Variants in THSD4 observed in about 807,000 individuals in gnomAD.
The protein encoded by THSD4 is thrombospondin type 1 domain containing 4.
A neutral mutation model predicts 119.0 loss-of-function variants in THSD4; 69 were observed. The observed-to-expected ratio is 0.58, with a 90% confidence interval of 0.48 to 0.71. The LOEUF (loss-of-function observed/expected upper bound fraction) is 0.71, where lower values mean the gene tolerates loss of function less well. Ranked by LOEUF, THSD4 falls within the 30% of genes least tolerant of loss-of-function variation. THSD4 has a pLI of 0.00. For synonymous variants in THSD4, 524 were observed against 540.4 expected (o/e 0.97, Z 0.42); for missense variants, 1,393 against 1,391.1 (o/e 1.00, Z -0.02).
intron 7 of THSD4, among the ~76,000 whole-genome samples, chr15:71,447,656 A>G (rs1429415835): frequency 6.6e-6 from 1 of 152,238 alleles, no homozygotes; most frequent in Non-Finnish European, 1.5e-5. Flanking sequence ...TTTGTTGAAT[A>G]TAAAAATAAA....
chr15:71,302,564 A>G (rs1455798646), intron 6 of THSD4, among the ~76,000 whole-genome samples: 1 of 142,028 alleles, frequency 7.0e-6, no homozygotes, highest in Non-Finnish European at 1.5e-5. Context: ...TCCAAGTGGA[A>G]TGGTTTTGTT....
At chr15:71,405,520 T>C (rs1236090415) in intron 6 of THSD4, among the ~76,000 whole-genome samples, 1 of 152,244 alleles carries the variant, frequency 6.6e-6, no homozygotes, top group African/African-American at 2.4e-5. Flanking sequence ...GGTTTATATC[T>C]AGACTCTTAA....
chr15:71,172,547 A>G (rs2043379486), intron 3 of THSD4, among the ~76,000 whole-genome samples: 1 of 150,628 alleles, frequency 6.6e-6, no homozygotes, highest in African/African-American at 2.4e-5. Context: ...AAATTTCAGA[A>G]AGAAGAAGAA....
intron 8 of THSD4, among the ~76,000 whole-genome samples, chr15:71,693,320 C>T (rs536875237): frequency 2.6e-5 from 4 of 152,266 alleles, no homozygotes; most frequent in African/African-American, 7.2e-5. Flanking sequence ...TCTTTAGATC[C>T]AGTAGCAGCA....
At chr15:71,111,281 T>C, upstream of THSD4, 1 of 1,614,004 alleles carries the variant, frequency 6.2e-7, no homozygotes, top group Non-Finnish European at 8.5e-7. Context: ...ATCCTTGACA[T>C]TCCGTCTGGA....
chr15:71,266,432 T>G (rs952185199), intron 6 of THSD4, among the ~76,000 whole-genome samples: 1 of 151,768 alleles, frequency 6.6e-6, no homozygotes, highest in Admixed American at 6.6e-5. Context: ...AAAAAGGACG[T>G]CCACGCAAAA....
rs750776537 is a variant in THSD4 at position 71,765,194 on chromosome 15, A to G, written c.2764A>G (p.Ser922Gly). 1.5e-5 allele frequency: 24 copies of G among 1,613,726 alleles called. No homozygotes were observed. Among genetic ancestry groups the G allele is most frequent in the Non-Finnish European group, 2.0e-5 (24 of 1,179,842 alleles). ...AGCCAAATGGTTTAGCACCGAATGG[A>G]GCATGGTAAGTCATGGTGCTCTTGA... is the stretch of plus-strand genomic sequence containing the variant. ...CGAKWFSTEWSMCSKSCQGGF... is the reference protein window; with the variant it reads ...CGAKWFSTEWGMCSKSCQGGF... Residue 922 changes from serine to glycine, a missense_variant, in exon 16 of 18, where the codon AGC (serine) becomes GGC (glycine). By Grantham distance (56) the Ser-to-Gly change is moderately conservative (BLOSUM62 0). Coordinates refer to ENST00000261862, the MANE Select transcript of THSD4 (RefSeq NM_024817.3).
At chr15:71,177,931 A>G (rs1329220422) in intron 3 of THSD4, among the ~76,000 whole-genome samples, 1 of 137,754 alleles carries the variant, frequency 7.3e-6, no homozygotes, top group Non-Finnish European at 1.6e-5. Context: ...CTTTGACAAA[A>G]TTCAACAACC....
intron 6 of THSD4, among the ~76,000 whole-genome samples, chr15:71,385,664 A>G (rs892962628): frequency 2.0e-5 from 3 of 152,182 alleles, no homozygotes; most frequent in African/African-American, 4.8e-5. Context: ...ATTGGCTGAG[A>G]CTCAGTTATC....
At chr15:71,308,044 A>C (rs1400901501) in intron 6 of THSD4, among the ~76,000 whole-genome samples, 1 of 152,136 alleles carries the variant, frequency 6.6e-6, no homozygotes, top group Non-Finnish European at 1.5e-5. Flanking sequence ...AGCATGCAGC[A>C]CCTGTGTGAC....
Position 71,167,026 on chromosome 15 carries a change from A to G in THSD4, c.99+12094A>G, listed in dbSNP as rs573609890. On this transcript the variant is annotated intron_variant, in intron 3 of 17. Transcript: ENST00000261862. ...ATTTATTATCTTGGCCACCAAGATC[A>G]TTGCCATTCACTCAAGACAAGAAAG... 5.3e-5 allele frequency: 8 copies of G among 152,316 alleles called. No homozygotes were observed. The South Asian group carries it at 1.5e-3, about 28-fold the overall frequency. The allele number at this position is 152,316 out of a possible 1,614,324, so 9.4% of individuals were successfully genotyped here.
chr15:71,388,830 G>A (rs758221240), intron 6 of THSD4, among the ~76,000 whole-genome samples: 10 of 151,974 alleles, frequency 6.6e-5, no homozygotes, highest in Non-Finnish European at 1.3e-4. Flanking sequence ...TGGCTGTGTC[G>A]CCACCCAAAT....
chr15:71,313,850 G>A (rs2045148583), intron 6 of THSD4, among the ~76,000 whole-genome samples: 1 of 152,108 alleles, frequency 6.6e-6, no homozygotes, highest in Non-Finnish European at 1.5e-5. Flanking sequence ...TATCATTACT[G>A]GCATCAATTG....
At chr15:71,596,191 A>C (rs1437129041) in intron 7 of THSD4, among the ~76,000 whole-genome samples, 2 of 152,174 alleles carry the variant, frequency 1.3e-5, no homozygotes, top group African/African-American at 4.8e-5. Context: ...GTTGAGTGAA[A>C]TGTTGGGGCG....
chr15:71,751,631 A>C (rs955042307), intron 14 of THSD4, among the ~76,000 whole-genome samples: 1 of 151,956 alleles, frequency 6.6e-6, no homozygotes, highest in African/African-American at 2.4e-5. Flanking sequence ...TCCTATTTCT[A>C]AATGTTTGGG....
At chr15:71,692,542 G>A (rs1489678924) in intron 8 of THSD4, among the ~76,000 whole-genome samples, 2 of 152,192 alleles carry the variant, frequency 1.3e-5, no homozygotes, top group Admixed American at 6.5e-5. Flanking sequence ...CCAGTAAACT[G>A]TAGGTCAGGA....
At chr15:71,234,042 T>G (rs1435819911) in intron 4 of THSD4, among the ~76,000 whole-genome samples, 2 of 152,178 alleles carry the variant, frequency 1.3e-5, no homozygotes, top group Non-Finnish European at 2.9e-5. Context: ...TGCTGAAATC[T>G]CTGCATGTAC....
chr15:71,241,713 G>T (rs1190846622), intron 4 of THSD4, among the ~76,000 whole-genome samples: 1 of 152,064 alleles, frequency 6.6e-6, no homozygotes, highest in Non-Finnish European at 1.5e-5. Flanking sequence ...ACAAATCAGG[G>T]CTTCTACCCT....
intron 6 of THSD4, among the ~76,000 whole-genome samples, chr15:71,294,858 T>C (rs1479918082): frequency 6.6e-6 from 1 of 151,058 alleles, no homozygotes; most frequent in Non-Finnish European, 1.5e-5. Context: ...GATGCGTCGG[T>C]GGTCACTCGG....
Sources: gnomAD v4.1 joint callset for allele counts (sites outside exome capture counted in the v4.1 genomes callset) on GRCh38, gnomAD v4.1.1 for gene constraint, MANE v1.5 for transcripts, NCBI Gene and HGNC (gene_info 2026-07-23, HGNC 2026-07-21) for gene names.